The following ANK3 variants were observed in gnomAD, a reference collection of about 807,000 sequenced individuals.
ANK3 encodes the protein ankyrin 3.
In ANK3, 57 loss-of-function variants were observed where a neutral mutation model predicts 370.9. The ratio of observed to expected loss-of-function variants is 0.15; its 90% CI spans 0.12 to 0.19. ANK3 has a LOEUF of 0.19. ANK3 is among the 10% of genes least tolerant of loss of function. The pLI, the probability that ANK3 is intolerant of heterozygous loss-of-function variation, is 1.00. For synonymous variants in ANK3, 1,929 were observed against 1,946.3 expected (o/e 0.99, Z 0.23); for missense variants, 4,439 against 5,302.1 (o/e 0.84, Z 5.06).
intron 15 of ANK3, 140 bp downstream of exon 15, chr10:60,196,387 C>T (rs2096585745): frequency 2.2e-6 from 2 of 918,848 alleles, no homozygotes; most frequent in Admixed American, 5.0e-5. Context: ...CAGCATTTAC[C>T]TTTTATTTCC....
intron 1 of ANK3, among the ~76,000 whole-genome samples, chr10:60,327,127 A>C (rs2050100510): frequency 6.6e-6 from 1 of 152,324 alleles, no homozygotes; most frequent in Middle Eastern, 3.4e-3. Context: ...ATGAAGGCAT[A>C]AAAGGAAGAG....
intron 4 of ANK3, among the ~76,000 whole-genome samples, chr10:60,275,409 G>C (rs148722658): frequency 1.0e-3 from 157 of 152,268 alleles, no homozygotes; most frequent in African/African-American, 3.7e-3. Context: ...ACTTCATTTG[G>C]AAAAGGGCTT....
At chr10:60,630,763 G>A (rs919955792) in intron 1 of ANK3, among the ~76,000 whole-genome samples, 8 of 152,308 alleles carry the variant, frequency 5.3e-5, no homozygotes, top group Non-Finnish European at 7.4e-5. Context: ...GGGGTAAAGA[G>A]CATAGAACAC....
chr10:60,166,947 T>C, intron 21 of ANK3, 51 bp from the exon 22 acceptor site: 2 of 1,449,272 alleles, frequency 1.4e-6, no homozygotes, highest in Non-Finnish European at 1.9e-6. Flanking sequence ...TACATTTTAA[T>C]GGGTCTTTTC....
intron 28 of ANK3, among the ~76,000 whole-genome samples, chr10:60,090,737 AT>A (rs1218954002): frequency 1.3e-5 from 2 of 152,236 alleles, no homozygotes; most frequent in Non-Finnish European, 2.9e-5. Context: ...CACTTCTTGG[AT>A]TAGCTAAAAT....
intron 23 of ANK3, 144 bp downstream of exon 23, chr10:60,166,447 C>T (rs1311263439): frequency 4.5e-6 from 3 of 661,986 alleles, no homozygotes; most frequent in Non-Finnish European, 7.8e-6. Flanking sequence ...ACCAGATATA[C>T]ATTATTTAAA....
intron 2 of ANK3, among the ~76,000 whole-genome samples, chr10:60,556,759 C>T (rs185615308): frequency 6.3e-4 from 96 of 152,230 alleles, no homozygotes; most frequent in African/African-American, 2.3e-3. Flanking sequence ...CTTGGCAGTT[C>T]CTGGATAAGT....
chr10:60,505,457 T>C (rs888723419), intron 2 of ANK3, among the ~76,000 whole-genome samples: 1 of 152,158 alleles, frequency 6.6e-6, no homozygotes, highest in South Asian at 2.1e-4. Context: ...TTTAATATTT[T>C]AGTTCTTGAA....
At chr10:60,447,395 TAA>T (rs1231122383) in intron 2 of ANK3, among the ~76,000 whole-genome samples, 1 of 152,118 alleles carries the variant, frequency 6.6e-6, no homozygotes, top group Non-Finnish European at 1.5e-5. Context: ...CTAGACAGGG[TAA>T]TTCTTCCCTC....
Position 60,196,012 on chromosome 10 carries a change from G to A in ANK3, c.1887+133C>T. The A allele has an allele frequency of 7.3e-6, 5 of 684,730 alleles. No homozygotes were observed. In the South Asian group the frequency reaches 9.4e-5, roughly 13 times the overall value. The allele number at this position is 684,730 out of a possible 1,614,324, so 42.4% of individuals were successfully genotyped here. Reference sequence around the variant, plus strand: ...TCACTGAAGGCACAGATGTCCTAAGGTGCTTCTATTTCTGTGATTTTTTAG... The same window carrying A: ...TCACTGAAGGCACAGATGTCCTAAGATGCTTCTATTTCTGTGATTTTTTAG... On this transcript the variant is annotated intron_variant, in intron 16 of 43. Coordinates refer to ENST00000280772, the MANE Select transcript of ANK3 (RefSeq NM_020987.5).
At chr10:60,046,980 G>A (rs2077074593) in intron 42 of ANK3, among the ~76,000 whole-genome samples, 1 of 151,906 alleles carries the variant, frequency 6.6e-6, no homozygotes, top group African/African-American at 2.4e-5. Flanking sequence ...CTAATTTTTT[G>A]TATTTTTTAG....
intron 28 of ANK3, among the ~76,000 whole-genome samples, chr10:60,093,980 T>C (rs2089435806): frequency 6.6e-6 from 1 of 152,106 alleles, no homozygotes; most frequent in Non-Finnish European, 1.5e-5. Context: ...GTTATTGACC[T>C]TCAATGTACA....
chr10:60,461,892 G>A (rs2064893410), intron 2 of ANK3, among the ~76,000 whole-genome samples: 1 of 152,104 alleles, frequency 6.6e-6, no homozygotes, highest in Non-Finnish European at 1.5e-5. Context: ...ATACCTCCCT[G>A]CCACAAGACG....
At chr10:60,328,186 G>GA (rs1396943099) in intron 1 of ANK3, among the ~76,000 whole-genome samples, 1 of 152,144 alleles carries the variant, frequency 6.6e-6, no homozygotes, top group Non-Finnish European at 1.5e-5. Flanking sequence ...GACAACAATT[G>GA]AAACAATGGA....
intron 25 of ANK3, among the ~76,000 whole-genome samples, chr10:60,115,229 G>T (rs1009792132): frequency 6.6e-6 from 1 of 152,204 alleles, no homozygotes; most frequent in Non-Finnish European, 1.5e-5. Flanking sequence ...GGTGTGCTGG[G>T]GGGAAACCAG....
chr10:60,127,452 G>C (rs146500401), intron 25 of ANK3, among the ~76,000 whole-genome samples: 1 of 152,234 alleles, frequency 6.6e-6, no homozygotes, highest in African/African-American at 2.4e-5. Flanking sequence ...AGTGACTTAT[G>C]CTTTTCTCCC....
intron 2 of ANK3, among the ~76,000 whole-genome samples, chr10:60,522,555 C>A (rs2133184387): frequency 6.6e-6 from 1 of 152,130 alleles, no homozygotes; most frequent in Middle Eastern, 3.4e-3. Context: ...TAGCTTTGGG[C>A]TATCTGAGCT....
intron 7 of ANK3, among the ~76,000 whole-genome samples, chr10:60,252,166 C>T (rs1385311437): frequency 6.6e-6 from 1 of 152,212 alleles, no homozygotes; most frequent in Non-Finnish European, 1.5e-5. Flanking sequence ...TGAACCCTAA[C>T]CTCTACACTC....
chr10:60,682,699 A>T (rs561490746), intron 1 of ANK3, among the ~76,000 whole-genome samples: 1 of 152,170 alleles, frequency 6.6e-6, no homozygotes, highest in African/African-American at 2.4e-5. Flanking sequence ...ACAGAACTGT[A>T]TTGAGAGAGT....
Sources: gnomAD v4.1 joint callset for allele counts (sites outside exome capture counted in the v4.1 genomes callset) on GRCh38, gnomAD v4.1.1 for gene constraint, MANE v1.5 for transcripts, NCBI Gene and HGNC (gene_info 2026-07-23, HGNC 2026-07-21) for gene names.